SKAP2: variants seen among roughly 807,000 people sequenced by gnomAD.
SKAP2 encodes src kinase-associated phosphoprotein 2.
SKAP2 carries 28 observed loss-of-function variants against 54.9 expected under a neutral mutation model. The observed-to-expected ratio is 0.51, with a 90% CI of 0.38 to 0.70. The LOEUF (loss-of-function observed/expected upper bound fraction) is 0.70. SKAP2 is among the 30% of genes least tolerant of loss of function. The pLI, the probability that SKAP2 is intolerant of heterozygous loss-of-function variation, is 0.00. For synonymous variants in SKAP2, 137 were observed against 134.3 expected (o/e 1.02, Z -0.14); for missense variants, 356 against 424.1 (o/e 0.84, Z 1.41).
intron 4 of SKAP2, among the ~76,000 whole-genome samples, chr7:26,834,441 C>T (rs1249421633): frequency 6.6e-6 from 1 of 151,968 alleles, no homozygotes; most frequent in Admixed American, 6.6e-5. Context: ...AATAGATAGA[C>T]CACTAACCAG....
chr7:26,745,132 A>T (rs1020383147), intron 4 of SKAP2, among the ~76,000 whole-genome samples: 7 of 152,102 alleles, frequency 4.6e-5, no homozygotes, highest in African/African-American at 1.4e-4. Flanking sequence ...TATAGTTTTC[A>T]ACATGAACAC....
chr7:26,763,902 G>C (rs1005358171), intron 4 of SKAP2, among the ~76,000 whole-genome samples: 1 of 152,004 alleles, frequency 6.6e-6, no homozygotes, highest in Non-Finnish European at 1.5e-5. Flanking sequence ...ATCTAAACAT[G>C]GAAAAGGCAC....
intron 4 of SKAP2, among the ~76,000 whole-genome samples, chr7:26,754,400 G>GA (rs59696790): frequency 0.11 from 15,493 of 135,160 alleles, 1,118 homozygotes; most frequent in African/African-American, 0.21. Flanking sequence ...TTCAAGATGT[G>GA]AAAAAAAAAA....
At chr7:26,757,682 TTAAAG>T (rs1346585783) in intron 4 of SKAP2, among the ~76,000 whole-genome samples, 1 of 152,174 alleles carries the variant, frequency 6.6e-6, no homozygotes, top group African/African-American at 2.4e-5. Context: ...CATATGAACT[TTAAAG>T]TAGTTTTTTC....
chr7:26,761,853 T>A (rs1350207512), intron 4 of SKAP2, among the ~76,000 whole-genome samples: 1 of 152,210 alleles, frequency 6.6e-6, no homozygotes, highest in Non-Finnish European at 1.5e-5. Flanking sequence ...TGAGCTGAGA[T>A]TGTGCCATTG....
At chr7:26,763,583 T>C (rs886487617) in intron 4 of SKAP2, among the ~76,000 whole-genome samples, 2 of 152,166 alleles carry the variant, frequency 1.3e-5, no homozygotes, top group African/African-American at 4.8e-5. Flanking sequence ...ACGTAAAATA[T>C]CCCATTCTTC....
At chr7:26,822,832 G>A (rs867766060) in intron 4 of SKAP2, among the ~76,000 whole-genome samples, 41 of 151,262 alleles carry the variant, frequency 2.7e-4, no homozygotes, top group African/African-American at 9.7e-4. Context: ...GCAGTGAGCC[G>A]AGAATGCACC....
chr7:26,759,799 TA>T (rs1418600999), intron 4 of SKAP2, among the ~76,000 whole-genome samples: 1 of 152,112 alleles, frequency 6.6e-6, no homozygotes, highest in Admixed American at 6.6e-5. Flanking sequence ...ATCTTTAAAA[TA>T]AAGGTAAATA....
intron 4 of SKAP2, among the ~76,000 whole-genome samples, chr7:26,747,237 C>A (rs551554135): frequency 1.3e-5 from 2 of 152,268 alleles, no homozygotes; most frequent in Non-Finnish European, 2.9e-5. Flanking sequence ...TACTGGCGAT[C>A]TCTAAGCCTA....
chr7:26,842,029 T>C (rs534068303), intron 4 of SKAP2, among the ~76,000 whole-genome samples: 2 of 151,844 alleles, frequency 1.3e-5, no homozygotes, highest in African/African-American at 2.4e-5. Flanking sequence ...AAAATCTAAG[T>C]TGAAGAGAGA....
intron 9 of SKAP2, among the ~76,000 whole-genome samples, chr7:26,712,381 G>C (rs1451433705): frequency 1.3e-5 from 2 of 152,206 alleles, no homozygotes; most frequent in South Asian, 2.1e-4. Flanking sequence ...GCTCAGAGGA[G>C]AGAACATTTA....
At chr7:26,693,154 A>C (rs1223170378) in intron 9 of SKAP2, among the ~76,000 whole-genome samples, 1 of 152,152 alleles carries the variant, frequency 6.6e-6, no homozygotes, top group Non-Finnish European at 1.5e-5. Context: ...CAACATGGCA[A>C]AACCACGTCT....
chr7:26,815,818 T>C (rs1784254631), intron 4 of SKAP2, among the ~76,000 whole-genome samples: 1 of 152,142 alleles, frequency 6.6e-6, no homozygotes, highest in African/African-American at 2.4e-5. Flanking sequence ...GATAAAACAG[T>C]ATATAGTAAA....
chr7:26,760,663 A>T (rs1273527316), intron 4 of SKAP2, among the ~76,000 whole-genome samples: 4 of 152,162 alleles, frequency 2.6e-5, no homozygotes, highest in African/African-American at 7.2e-5. Context: ...ACTGTAACTA[A>T]CCTATTTTTG....
intron 4 of SKAP2, among the ~76,000 whole-genome samples, chr7:26,758,867 T>C (rs1473224746): frequency 6.6e-6 from 1 of 152,202 alleles, no homozygotes; most frequent in Non-Finnish European, 1.5e-5. Flanking sequence ...TACAGAAACA[T>C]AGCCAAAGGC....
intron 4 of SKAP2, among the ~76,000 whole-genome samples, chr7:26,816,269 A>C (rs7782107): frequency 0.078 from 11,862 of 152,192 alleles, 699 homozygotes; most frequent in East Asian, 0.3. Flanking sequence ...TTATGAAAAA[A>C]TATCAATTTT....
intron 4 of SKAP2, among the ~76,000 whole-genome samples, chr7:26,840,632 T>C (rs1041196353): frequency 2.0e-5 from 3 of 151,990 alleles, no homozygotes; most frequent in Non-Finnish European, 2.9e-5. Flanking sequence ...CTCCAATATA[T>C]CCAGCCACAT....
chr7:26,708,436 A>G (rs1294982876), intron 9 of SKAP2, among the ~76,000 whole-genome samples: 2 of 151,874 alleles, frequency 1.3e-5, no homozygotes, highest in Non-Finnish European at 2.9e-5. Flanking sequence ...TTTCTTATTA[A>G]CTCTTTCTTA....
At chr7:26,855,041 G>A (rs978930510) in intron 1 of SKAP2, 151 bp from the exon 2 acceptor site, 1 of 534,724 alleles carries the variant, frequency 1.9e-6, no homozygotes, top group Admixed American at 3.7e-5. Flanking sequence ...AACAGTTGAA[G>A]TGTGTTTCAA....
Sources: gnomAD v4.1 joint callset for allele counts (sites outside exome capture counted in the v4.1 genomes callset) on GRCh38, gnomAD v4.1.1 for gene constraint, MANE v1.5 for transcripts, NCBI Gene and HGNC (gene_info 2026-07-23, HGNC 2026-07-21) for gene names.